Variants in NEK11 observed in about 807,000 individuals in gnomAD.
NEK11 encodes NIMA related kinase 11.
In NEK11, 72 loss-of-function variants were observed where a neutral mutation model predicts 80.7. That is an observed-to-expected ratio of 0.89 (90% confidence interval 0.74 to 1.08). The LOEUF (loss-of-function observed/expected upper bound fraction) is 1.08. NEK11 is among the 50% of genes least tolerant of loss of function. NEK11 has a pLI of 0.00. For synonymous variants in NEK11, 251 were observed against 260.7 expected (o/e 0.96, Z 0.36); for missense variants, 764 against 763.6 (o/e 1.00, Z -0.01).
At chr3:131,336,582 C>T (rs1582296891) in intron 17 of NEK11, among the ~76,000 whole-genome samples, 2 of 152,158 alleles carry the variant, frequency 1.3e-5, no homozygotes, top group East Asian at 3.9e-4. Flanking sequence ...TCTAAAACAC[C>T]AAAAGCAATG....
Position 131,305,843 on chromosome 3 carries a change from A to G in NEK11, c.1718+32269A>G, listed in dbSNP as rs553296207. Among the ~76,000 whole-genome samples the G allele has an allele frequency of 3.2e-4, 48 of 152,070 alleles. 2 individuals are homozygous for G. The South Asian group carries it at 9.5e-3, about 30-fold the overall frequency. ...GCAGGGCTCCCAGCTTCTTCCCCTT[A>G]CAGCTAAGCATCTGGGTCCTCCCTC... is the stretch of plus-strand genomic sequence containing the variant. On this transcript the variant is annotated intron_variant, in intron 17 of 17. Transcript: ENST00000383366.
chr3:131,241,473 T>C (rs1322881091), intron 15 of NEK11, among the ~76,000 whole-genome samples: 2 of 152,116 alleles, frequency 1.3e-5, no homozygotes, highest in African/African-American at 4.8e-5. Flanking sequence ...GAAAAAAGTC[T>C]GAACAATATT....
In NEK11 at chr3:131,201,938, C is replaced by T. The variant is rs146254312; in HGVS notation, c.1400-26590C>T. ...CAATCTCTGCCTCACCGGATTCAAG[C>T]GATTCTCTGCCTCAGCCTCCTGAAT... is the stretch of plus-strand genomic sequence containing the variant. On this transcript the variant is annotated intron_variant, in intron 14 of 17. Coordinates refer to ENST00000383366, the MANE Select transcript of NEK11 (RefSeq NM_024800.5). Among the ~76,000 whole-genome samples the T allele has an allele frequency of 6.0e-4, 92 of 152,196 alleles. No individual in the cohort carries two copies. The East Asian group carries it at 0.016, about 27-fold the overall frequency.
intron 17 of NEK11, among the ~76,000 whole-genome samples, chr3:131,292,584 T>C (rs1182092384): frequency 6.6e-6 from 1 of 151,696 alleles, no homozygotes; most frequent in South Asian, 2.1e-4. Context: ...GGTGTGATGA[T>C]AGCTCACTGC....
At position 131,094,458 on chromosome 3, in the gene NEK11, T is replaced by C. The variant is rs114517270; in HGVS notation, c.336+13870T>C. ...GTTTTCCAAGGGGGGTGGATCTGACTGCCATCAATCAGTAATACCTTTGAA... is the reference window on the plus strand; with the variant it reads ...GTTTTCCAAGGGGGGTGGATCTGACCGCCATCAATCAGTAATACCTTTGAA... On this transcript the variant is annotated intron_variant, in intron 4 of 17. Transcript: ENST00000383366. 7.6e-4 allele frequency among the ~76,000 whole-genome samples: 116 copies of C among 152,288 alleles called. 2 individuals are homozygous for C. The highest frequency in any genetic ancestry group is 7.6e-3 in the Admixed American group (116 of 15,296).
intron 4 of NEK11, among the ~76,000 whole-genome samples, chr3:131,101,189 T>C (rs2078311498): frequency 6.6e-6 from 1 of 152,158 alleles, no homozygotes; most frequent in Non-Finnish European, 1.5e-5. Context: ...CAACTCTTGG[T>C]GTCACTGACC....
At chr3:131,231,392 T>C (rs1312298730) in intron 15 of NEK11, among the ~76,000 whole-genome samples, 3 of 148,764 alleles carry the variant, frequency 2.0e-5, no homozygotes, top group Admixed American at 2.0e-4. Flanking sequence ...CAAGTCAATG[T>C]TTTTGCTACT....
At chr3:131,174,873 A>G in intron 14 of NEK11, 2 of 1,536,914 alleles carry the variant, frequency 1.3e-6, no homozygotes, top group Non-Finnish European at 1.7e-6. Context: ...CACCATTCAG[A>G]TGTGGAGAAT....
intron 17 of NEK11, among the ~76,000 whole-genome samples, chr3:131,288,110 G>T (rs1380724610): frequency 1.3e-5 from 2 of 152,190 alleles, no homozygotes; most frequent in African/African-American, 4.8e-5. Context: ...CATTTAAGGG[G>T]AGAGAGGTCT....
chr3:131,262,521 T>C (rs1012649154), intron 16 of NEK11, among the ~76,000 whole-genome samples: 19 of 152,198 alleles, frequency 1.2e-4, no homozygotes, highest in Admixed American at 3.9e-4. Context: ...GACTTCTTTT[T>C]CTTGCCCAAT....
intron 16 of NEK11, among the ~76,000 whole-genome samples, chr3:131,271,833 G>A (rs1019900043): frequency 1.3e-5 from 2 of 151,556 alleles, no homozygotes; most frequent in African/African-American, 4.9e-5. Context: ...GCTCACGCCT[G>A]TAATTCCAGC....
chr3:131,047,573 A>C (rs1055317650), intron 3 of NEK11, among the ~76,000 whole-genome samples: 1 of 152,206 alleles, frequency 6.6e-6, no homozygotes, highest in African/African-American at 2.4e-5. Flanking sequence ...CAGCAGAGCT[A>C]CTGGGCTCTG....
At chr3:131,161,767 A>G (rs1401250234) in intron 10 of NEK11, among the ~76,000 whole-genome samples, 2 of 152,198 alleles carry the variant, frequency 1.3e-5, no homozygotes, top group African/African-American at 4.8e-5. Flanking sequence ...AATAATCTGT[A>G]CAACAAACCC....
In NEK11 at chr3:131,131,771, G is replaced by A. The variant is rs148813857; in HGVS notation, c.456-974G>A. Among the ~76,000 whole-genome samples, 518 of 151,656 alleles carry A rather than the reference G, an allele frequency of 3.4e-3. 2 individuals carry two copies. Among genetic ancestry groups the A allele is most frequent in the African/African-American group, 0.011 (476 of 41,406 alleles). On this transcript the variant is annotated intron_variant, in intron 5 of 17. Transcript: ENST00000383366. ...TGGTTTAATTTGCTTTTCTTTTCTA[G>A]TTTTCTATGGTGGAAGCTTAGATAA...
chr3:131,112,496 C>T (rs2080299505), intron 5 of NEK11, among the ~76,000 whole-genome samples: 1 of 152,054 alleles, frequency 6.6e-6, no homozygotes, highest in South Asian at 2.1e-4. Flanking sequence ...TAGAGGATTA[C>T]AAGAGTGGTA....
intron 14 of NEK11, among the ~76,000 whole-genome samples, chr3:131,191,214 A>C (rs2093781291): frequency 6.6e-6 from 1 of 152,192 alleles, no homozygotes; most frequent in South Asian, 2.1e-4. Flanking sequence ...AAATAATCAC[A>C]AACTTAGTGG....
At chr3:131,243,075 A>G (rs913487748) in intron 15 of NEK11, among the ~76,000 whole-genome samples, 3 of 152,194 alleles carry the variant, frequency 2.0e-5, no homozygotes, top group Non-Finnish European at 4.4e-5. Flanking sequence ...CTTTTATTCT[A>G]ATAGCATTTA....
At chr3:131,030,552 A>G (rs539389024) in intron 3 of NEK11, among the ~76,000 whole-genome samples, 7 of 152,366 alleles carry the variant, frequency 4.6e-5, no homozygotes, top group East Asian at 3.9e-4. Context: ...CAAATAAACA[A>G]TTATTCACAT....
chr3:131,063,286 A>G (rs2071256827), intron 3 of NEK11, among the ~76,000 whole-genome samples: 1 of 152,156 alleles, frequency 6.6e-6, no homozygotes, highest in South Asian at 2.1e-4. Flanking sequence ...TGGCCTCACA[A>G]AGTGCTAGGA....
Sources: gnomAD v4.1 joint callset for allele counts (sites outside exome capture counted in the v4.1 genomes callset) on GRCh38, gnomAD v4.1.1 for gene constraint, MANE v1.5 for transcripts, NCBI Gene and HGNC (gene_info 2026-07-23, HGNC 2026-07-21) for gene names.